Variants in CECR2 observed in about 807,000 individuals in gnomAD.
CECR2 encodes the protein CECR2 histone acetyl-lysine reader.
CECR2 carries 30 observed loss-of-function variants against 154.5 expected under a neutral mutation model. The ratio of observed to expected loss-of-function variants is 0.19; its 90% CI spans 0.15 to 0.26. The LOEUF (loss-of-function observed/expected upper bound fraction) is 0.26. CECR2 is among the 10% of genes least tolerant of loss of function. The pLI, the probability that CECR2 is intolerant of heterozygous loss-of-function variation, is 1.00. For synonymous variants in CECR2, 725 were observed against 683.7 expected, an observed-to-expected ratio of 1.06 and a Z score of -0.94; for missense variants, 1,743 against 1,829.3, an observed-to-expected ratio of 0.95 and a Z score of 0.86.
At chr22:17,407,843 G>C (rs34564595) in intron 1 of CECR2, among the ~76,000 whole-genome samples, 137,974 of 152,122 alleles carry the variant, frequency 0.91, 62,743 homozygotes, top group African/African-American at 0.94. Context: ...GACAGCTCTT[G>C]AGAACAACAG....
intron 1 of CECR2, among the ~76,000 whole-genome samples, chr22:17,415,894 A>G (rs774114890): frequency 6.6e-6 from 1 of 152,202 alleles, no homozygotes; most frequent in Non-Finnish European, 1.5e-5. Flanking sequence ...ATCCACTGCA[A>G]CACACCTTTC....
chr22:17,463,184 AG>A (rs1285006992), intron 1 of CECR2, among the ~76,000 whole-genome samples: 4 of 152,180 alleles, frequency 2.6e-5, no homozygotes, highest in Non-Finnish European at 5.9e-5. Flanking sequence ...GTATCTGAGG[AG>A]CAGGTAAGAG....
intron 1 of CECR2, among the ~76,000 whole-genome samples, chr22:17,420,578 A>G (rs1317710027): frequency 1.3e-5 from 2 of 152,202 alleles, no homozygotes; most frequent in African/African-American, 2.4e-5. Flanking sequence ...TATTGAGCAT[A>G]GCTTGTCCCA....
chr22:17,371,116 C>T lies in CECR2; in HGVS notation c.126+1207C>T, dbSNP rs145817696. ...TCGTTTATTTCAGAGCTCTTTGCCT[C>T]ACCTTTATTTTTAGATTTAGTCGTG... On this transcript the variant is annotated intron_variant, in intron 1 of 18. Coordinates refer to ENST00000262608, the MANE Select transcript of CECR2 (RefSeq NM_001290047.2). Among the ~76,000 whole-genome samples, 6 of 152,296 alleles carry T rather than the reference C, an allele frequency of 3.9e-5. No homozygotes were observed. In the East Asian group the frequency reaches 1.2e-3, roughly 29 times the overall value.
chr22:17,541,862 T>G lies in CECR2; in HGVS notation c.1908T>G (p.Phe636Leu), dbSNP rs774120301. ...NQMRPAVPGTFGPLRGSDPAT... is the reference protein window; with the variant it reads ...NQMRPAVPGTLGPLRGSDPAT... The stretch of plus-strand genomic sequence containing the variant: ...AGAGGCCAGCAGTACCAGGAACATT[T>G]GGCCCTCTGCGAGGATCAGATCCTG... The change falls in exon 15 of 19, where the codon TTT (phenylalanine) becomes TTG (leucine). Residue 636 changes from phenylalanine to leucine, a missense_variant. Phe to Leu is a conservative substitution (Grantham distance 22). Around this residue, in one of 4 missense-constraint regions of CECR2, gnomAD observed 1,250 missense variants for 1,192.1 expected, o/e 1.05. Transcript: ENST00000262608. The G allele has an allele frequency of 6.2e-7, 1 of 1,613,970 alleles. No individual in the cohort carries two copies. Among genetic ancestry groups the G allele is most frequent in the Non-Finnish European group, 8.5e-7 (1 of 1,179,854 alleles).
At chr22:17,363,801 A>T (rs1382079329) in intron 1 of CECR2, among the ~76,000 whole-genome samples, 1 of 152,056 alleles carries the variant, frequency 6.6e-6, no homozygotes, top group Non-Finnish European at 1.5e-5. Flanking sequence ...TGCCTGGCTA[A>T]ATTTTGTATT....
At chr22:17,360,479 C>T (rs1317372892) in intron 1 of CECR2, among the ~76,000 whole-genome samples, 1 of 151,984 alleles carries the variant, frequency 6.6e-6, no homozygotes, top group African/African-American at 2.4e-5. Context: ...GTCAGGAGTT[C>T]GAGACCAGCC....
At chr22:17,474,428 C>T (rs1601417741) in intron 1 of CECR2, among the ~76,000 whole-genome samples, 1 of 152,188 alleles carries the variant, frequency 6.6e-6, no homozygotes, top group African/African-American at 2.4e-5. Context: ...GTTCCTCTCC[C>T]TATGTGTGTC....
chr22:17,490,831 A>C (rs764926030), intron 2 of CECR2, among the ~76,000 whole-genome samples: 19 of 152,102 alleles, frequency 1.2e-4, no homozygotes, highest in Non-Finnish European at 2.5e-4. Context: ...ATCTAATTGC[A>C]GAATACTTCT....
intron 17 of CECR2, among the ~76,000 whole-genome samples, chr22:17,550,859 G>C (rs1032962530): frequency 2.0e-5 from 3 of 151,856 alleles, no homozygotes; most frequent in Non-Finnish European, 4.4e-5. Context: ...GGAGAATGGC[G>C]TGAACCTGGG....
chr22:17,382,432 C>G (rs1036761371), intron 1 of CECR2, among the ~76,000 whole-genome samples: 1 of 152,100 alleles, frequency 6.6e-6, no homozygotes, highest in Non-Finnish European at 1.5e-5. Flanking sequence ...ACAGGCACAC[C>G]TCAGAGATAT....
At chr22:17,481,971 C>T (rs2055328291) in intron 2 of CECR2, among the ~76,000 whole-genome samples, 1 of 151,372 alleles carries the variant, frequency 6.6e-6, no homozygotes. Context: ...AAAAAAGTAG[C>T]CGGGCGTGGT....
intron 1 of CECR2, among the ~76,000 whole-genome samples, chr22:17,377,968 T>C (rs375490447): frequency 3.3e-5 from 5 of 152,134 alleles, no homozygotes; most frequent in African/African-American, 1.2e-4. Context: ...ATGAGGAATG[T>C]TATATGCGTT....
Position 17,542,878 on chromosome 22 carries a change from T to C in CECR2, c.2735T>C (p.Leu912Ser), listed in dbSNP as rs1411378531. 6.2e-7 allele frequency: 1 copy of C among 1,613,962 alleles called. No individual in the cohort carries two copies. Reference sequence around the variant, plus strand: ...CCCCACCAGCCTGCACACCCCCGTTTACCTGGCCCTTTTCCGCAGGTAGCT... The same window carrying C: ...CCCCACCAGCCTGCACACCCCCGTTCACCTGGCCCTTTTCCGCAGGTAGCT... ...YHPHQPAHPR[L>S]PGPFPQVAHP... Residue 912 changes from leucine (L) to serine (S), a missense_variant, in exon 16 of 19, where the codon TTA becomes TCA. Physicochemically the swap from Leu to Ser is moderately radical, Grantham distance 145 (BLOSUM62 -2). Transcript: ENST00000262608.
chr22:17,523,195 C>G (rs2056188846), intron 8 of CECR2, among the ~76,000 whole-genome samples: 1 of 151,738 alleles, frequency 6.6e-6, no homozygotes, highest in African/African-American at 2.4e-5. Context: ...CCAGCCTGGC[C>G]AACATGGCGA....
At chr22:17,503,451 ATGGTTTCCTTATAGGTTTACTACATAC>A (rs2055777152) in intron 6 of CECR2, among the ~76,000 whole-genome samples, 1 of 152,200 alleles carries the variant, frequency 6.6e-6, no homozygotes, top group Non-Finnish European at 1.5e-5. Context: ...TCATGACACA[ATGGTTTCCTTATAGGTTTACTACATAC>A]TGGTTTCCTA....
At chr22:17,374,114 G>T (rs916477784) in intron 1 of CECR2, among the ~76,000 whole-genome samples, 23 of 152,176 alleles carry the variant, frequency 1.5e-4, no homozygotes, top group African/African-American at 5.3e-4. Flanking sequence ...CAAAATGGTC[G>T]TGTAGAATTA....
intron 2 of CECR2, among the ~76,000 whole-genome samples, chr22:17,490,069 C>T (rs1341642351): frequency 6.6e-6 from 1 of 151,744 alleles, no homozygotes; most frequent in Non-Finnish European, 1.5e-5. Flanking sequence ...TTCTGTGACC[C>T]AAAAGTGTAT....
intron 1 of CECR2, among the ~76,000 whole-genome samples, chr22:17,476,002 C>T (rs2055201595): frequency 6.6e-6 from 1 of 151,444 alleles, no homozygotes; most frequent in South Asian, 2.1e-4. Flanking sequence ...TCTCCATTGT[C>T]TCCCGAAGAA....
Sources: gnomAD v4.1 joint callset for allele counts (sites outside exome capture counted in the v4.1 genomes callset) on GRCh38, gnomAD v4.1.1 for gene constraint, gnomAD v4.1.1 regional missense constraint, MANE v1.5 for transcripts, NCBI Gene and HGNC (gene_info 2026-07-23, HGNC 2026-07-21) for gene names.